The following NPAS1 variants were observed in gnomAD, a reference collection of about 807,000 sequenced individuals.
NPAS1 encodes the protein neuronal PAS domain protein 1, also known as neuronal PAS domain-containing protein 1.
NPAS1 carries 29 observed loss-of-function variants against 49.2 expected under a neutral mutation model. The ratio of observed to expected loss-of-function variants is 0.59; its 90% CI spans 0.44 to 0.80. The LOEUF is 0.80. NPAS1 is among the 30% of genes least tolerant of loss of function. NPAS1 has a pLI of 0.00. For synonymous variants in NPAS1, 408 were observed against 380.4 expected, an observed-to-expected ratio of 1.07 and a Z score of -0.84; for missense variants, 825 against 835.5, an observed-to-expected ratio of 0.99 and a Z score of 0.15.
chr19:47,036,470 G>A (rs1280366294), intron 6 of NPAS1, among the ~76,000 whole-genome samples: 1 of 152,240 alleles, frequency 6.6e-6, no homozygotes, highest in Non-Finnish European at 1.5e-5. Flanking sequence ...GCCGGGCGCG[G>A]CGGCTCGCGC....
intron 5 of NPAS1, among the ~76,000 whole-genome samples, chr19:47,033,547 G>A (rs1223043105): frequency 6.6e-6 from 1 of 152,016 alleles, no homozygotes; most frequent in African/African-American, 2.4e-5. Context: ...AGCCTGAGGG[G>A]GCTATTAAAG....
chr19:47,026,812 G>A (rs1057108059), intron 3 of NPAS1, among the ~76,000 whole-genome samples: 19 of 130,772 alleles, frequency 1.5e-4, no homozygotes, highest in East Asian at 6.5e-4. Flanking sequence ...AAAATTAGCC[G>A]GGCATGGTGG....
chr19:47,022,545 T>A (rs889207581), intron 3 of NPAS1, among the ~76,000 whole-genome samples: 1 of 147,888 alleles, frequency 6.8e-6, no homozygotes. Context: ...GCCACCGCTA[T>A]GCGGCCAATG....
At chr19:47,043,958 C>T (rs920218001) in intron 11 of NPAS1, among the ~76,000 whole-genome samples, 1 of 151,922 alleles carries the variant, frequency 6.6e-6, no homozygotes, top group African/African-American at 2.4e-5. Flanking sequence ...CCCAGCTACT[C>T]GGGAGGCTGA....
Position 47,045,602 on chromosome 19 carries a change from T to C in NPAS1, c.1724T>C (p.Leu575Pro), listed in dbSNP as rs775329102. 36 of 1,458,014 alleles carry C rather than the reference T, an allele frequency of 2.5e-5. No individual in the cohort carries two copies. In the African/African-American group the frequency reaches 5.2e-4, roughly 21 times the overall value. 90.3% of individuals were successfully genotyped at this position (1,458,014 alleles called of 1,614,324 possible). The change falls in exon 12 of 12, where the codon CTG becomes CCG. Residue 575 changes from leucine to proline, a missense_variant. By Grantham distance (98) the Leu-to-Pro change is moderately conservative. Transcript: ENST00000602212. ...GAGGCCTTTTACCCGCCCCTGGGCCTGCCCTACCCGGGGCCCGCGGGCACC... is the reference window on the plus strand; with the variant it reads ...GAGGCCTTTTACCCGCCCCTGGGCCCGCCCTACCCGGGGCCCGCGGGCACC... Reference protein sequence around the residue: ...LPEAFYPPLGLPYPGPAGTRL... With the variant: ...LPEAFYPPLGPPYPGPAGTRL...
chr19:47,039,008 C>A (rs1205341650), intron 6 of NPAS1, 28 bp from the exon 7 acceptor site: 1 of 1,601,352 alleles, frequency 6.2e-7, no homozygotes, highest in Non-Finnish European at 8.6e-7. Flanking sequence ...TTCAGGACCC[C>A]ATAACCTTCC....
chr19:47,039,648 G>A, intron 8 of NPAS1, 84 bp downstream of exon 8: 2 of 1,428,682 alleles, frequency 1.4e-6, no homozygotes, highest in Admixed American at 2.2e-5. Context: ...GGAGTGCTGG[G>A]TCTGCAGGAT....
At chr19:47,026,631 G>A (rs983870152) in intron 3 of NPAS1, among the ~76,000 whole-genome samples, 1 of 152,144 alleles carries the variant, frequency 6.6e-6, no homozygotes, top group African/African-American at 2.4e-5. Context: ...AAAAGGCAGT[G>A]GTGCCCTGAT....
In NPAS1 at chr19:47,021,625, C is replaced by A. The variant is rs746670530; in HGVS notation, c.136C>A (p.Arg46Ser). The change falls in exon 3 of 12, where the codon CGC becomes AGC. Residue 46 changes from arginine to serine, a missense_variant. Arg to Ser is a moderately radical substitution (Grantham distance 110). Transcript: ENST00000602212. This position sits in a 1 kb window ranked among gnomAD's most constrained non-coding sequence, Gnocchi z 5.7. Reference protein sequence around the residue: ...APSGPCLQAQRKEKSRNAARS... With the variant: ...APSGPCLQAQSKEKSRNAARS... ...CCGCCCGCCCAGCCTGCAGGCGCAG[C>A]GCAAGGAGAAGTCCCGGAACGCGGC... 5 of 1,525,012 alleles carry A rather than the reference C, an allele frequency of 3.3e-6. No homozygotes were observed. Among genetic ancestry groups the A allele is most frequent in the East Asian group, 2.5e-5 (1 of 39,254 alleles). 94.5% of individuals were successfully genotyped at this position (1,525,012 alleles called of 1,614,324 possible). A position where few individuals can be genotyped will look rare whatever the true frequency, so the allele number is the denominator to read the frequency against.
At position 47,021,812 on chromosome 19, in the gene NPAS1, G is replaced by C. The variant is rs2122423319; in HGVS notation, c.323G>C (p.Trp108Ser). The change falls in exon 3 of 12, where the codon TGG (tryptophan) becomes TCG (serine). Residue 108 changes from tryptophan (W) to serine (S), a missense_variant. Physicochemically the swap from Trp to Ser is radical, Grantham distance 177. Transcript: ENST00000602212. The surrounding 1 kb of genome is among the most constrained non-coding windows in gnomAD (Gnocchi z 5.7). ...RRFAALGAPP[W>S]GLRAAGPPAG... ...TTCGCCGCGCTGGGGGCGCCGCCCT[G>C]GGGGCTGAGAGCCGCGGGGCCGCCA... The C allele has an allele frequency of 1.3e-6, 2 of 1,523,910 alleles. No individual in the cohort carries two copies. The highest frequency in any genetic ancestry group is 2.0e-5 in the Admixed American group (1 of 48,810). The allele number at this position is 1,523,910 out of a possible 1,614,324, so 94.4% of individuals were successfully genotyped here.
At chr19:47,023,787 A>G (rs1013166225) in intron 3 of NPAS1, among the ~76,000 whole-genome samples, 2 of 151,996 alleles carry the variant, frequency 1.3e-5, no homozygotes, top group Admixed American at 6.6e-5. Flanking sequence ...ACCCTGGGCA[A>G]TATAACAAAA....
At chr19:47,036,453 C>T (rs1012186660) in intron 6 of NPAS1, among the ~76,000 whole-genome samples, 2 of 152,218 alleles carry the variant, frequency 1.3e-5, no homozygotes. Flanking sequence ...TACATAATTA[C>T]GTTAGGGCCG....
Position 47,021,155 on chromosome 19 carries a change from G to A in NPAS1, c.108G>A (p.Ala36=). Residue 36 remains alanine (A), a synonymous_variant, in exon 2 of 12, where the codon GCG becomes GCA. Coordinates refer to ENST00000602212, the MANE Select transcript of NPAS1 (RefSeq NM_002517.4). This position sits in a 1 kb window ranked among gnomAD's most constrained non-coding sequence, Gnocchi z 5.7. Reference sequence around the variant, plus strand: ...TTCTACCCGGGCTGATGGTCAAGGCGCCGTCCGGACCGTGGTGAGCAAAGC... The same window carrying A: ...TTCTACCCGGGCTGATGGTCAAGGCACCGTCCGGACCGTGGTGAGCAAAGC... ...WDFLPGLMVK[A]PSGPCLQAQR... 6.3e-7 allele frequency: 1 copy of A among 1,590,828 alleles called. No homozygotes were observed. The highest frequency in any genetic ancestry group is 1.1e-5 in the South Asian group (1 of 88,156).
chr19:47,032,485 C>A (rs1426257407), intron 4 of NPAS1, 134 bp downstream of exon 4: 14 of 1,103,620 alleles, frequency 1.3e-5, no homozygotes, highest in Non-Finnish European at 1.9e-5. Context: ...CAAGATCCCT[C>A]CACTCCCTGC....
rs1453849471 is a variant in NPAS1, at chr19:47,045,479, G to A, written c.1601G>A (p.Arg534Gln). 5 of 1,571,820 alleles carry A rather than the reference G, an allele frequency of 3.2e-6. No homozygotes were observed. The highest frequency in any genetic ancestry group is 1.4e-5 in the African/African-American group (1 of 73,728). ...LHAGFLPPVV[R>Q]GLCTPGTIRY... ...GCGGGCTTCCTGCCGCCGGTGGTGC[G>A]GGGCCTGTGCACACCCGGCACCATC... The change falls in exon 12 of 12, where the codon CGG becomes CAG. Residue 534 changes from arginine (R) to glutamine (Q), a missense_variant. Physicochemically the swap from Arg to Gln is conservative, Grantham distance 43. Transcript: ENST00000602212.
chr19:47,021,507 C>T lies in NPAS1; in HGVS notation c.123-105C>T. 2.7e-6 allele frequency: 2 copies of T among 737,110 alleles called. No homozygotes were observed. The highest frequency in any genetic ancestry group is 2.1e-5 in the South Asian group (1 of 47,984). The allele number at this position is 737,110 out of a possible 1,614,324, so 45.7% of individuals were successfully genotyped here. ...CCAGAGATGTGGAATCCACTCCCAA[C>T]GTCCCGTCCCGTTCCCAAGGCCCCG... On this transcript the variant is annotated intron_variant, in intron 2 of 11. Coordinates refer to ENST00000602212, the MANE Select transcript of NPAS1 (RefSeq NM_002517.4). The surrounding 1 kb of genome is among the most constrained non-coding windows in gnomAD (Gnocchi z 5.7).
intron 10 of NPAS1, among the ~76,000 whole-genome samples, chr19:47,042,084 G>C (rs1490519711): frequency 6.6e-6 from 1 of 150,984 alleles, no homozygotes; most frequent in Non-Finnish European, 1.5e-5. Flanking sequence ...GAGGTGGGTG[G>C]ATCACGAGGT....
Position 47,045,432 on chromosome 19 carries a change from C to G in NPAS1, c.1554C>G (p.Asp518Glu). The G allele has an allele frequency of 6.2e-7, 1 of 1,600,846 alleles. No homozygotes were observed. Among genetic ancestry groups the G allele is most frequent in the African/African-American group, 1.3e-5 (1 of 74,720 alleles). The change falls in exon 12 of 12, where the codon GAC becomes GAG. Residue 518 changes from aspartate to glutamate, a missense_variant. Asp to Glu is a conservative substitution (Grantham distance 45, BLOSUM62 2). Transcript: ENST00000602212. ...VRPWGLAPPG[D>E]PPPTLLHAGF... is the part of the protein sequence containing the mutation. ...CATGGGGCCTGGCGCCTCCCGGGGA[C>G]CCCCCGCCCACCCTCCTGCACGCGG...
At chr19:47,032,379 G>T in intron 4 of NPAS1, 28 bp downstream of exon 4, 1 of 1,610,444 alleles carries the variant, frequency 6.2e-7, no homozygotes, top group Non-Finnish European at 8.5e-7. Context: ...CCTGCCTGCC[G>T]CTCCTTGCTA....
Sources: gnomAD v4.1 joint callset for allele counts (sites outside exome capture counted in the v4.1 genomes callset) on GRCh38, gnomAD v4.1.1 for gene constraint, Gnocchi (gnomAD v3.1) non-coding constraint, MANE v1.5 for transcripts, NCBI Gene and HGNC (gene_info 2026-07-23, HGNC 2026-07-21) for gene names.